The following SORCS1 variants were observed in gnomAD, a reference collection of about 807,000 sequenced individuals.
SORCS1 encodes the protein VPS10 domain-containing receptor SorCS1.
SORCS1 carries 60 observed loss-of-function variants against 146.1 expected under a neutral mutation model. That is an observed-to-expected ratio of 0.41 (90% confidence interval 0.33 to 0.51). SORCS1 has a LOEUF of 0.51. Ranked by LOEUF, SORCS1 falls within the 20% of genes least tolerant of loss-of-function variation. SORCS1 has a pLI of 0.21. For synonymous variants in SORCS1, 637 were observed against 584.0 expected, an observed-to-expected ratio of 1.09 and a Z score of -1.31; for missense variants, 1,352 against 1,487.6, an observed-to-expected ratio of 0.91 and a Z score of 1.50.
At chr10:107,100,226 T>C (rs1217472716) in intron 1 of SORCS1, among the ~76,000 whole-genome samples, 1 of 152,022 alleles carries the variant, frequency 6.6e-6, no homozygotes, top group Non-Finnish European at 1.5e-5. Flanking sequence ...AAGAAATAAG[T>C]AAATAGGCCG....
intron 1 of SORCS1, among the ~76,000 whole-genome samples, chr10:107,150,545 C>T (rs1174288601): frequency 6.6e-6 from 1 of 152,210 alleles, no homozygotes; most frequent in Non-Finnish European, 1.5e-5. Context: ...TGGAAGGGCA[C>T]CGTCTTCTTA....
At chr10:107,177,634 A>G in the SORCS1 span, among the ~76,000 whole-genome samples, 1,682 of 152,300 alleles carry the variant, frequency 0.011, 25 homozygotes, top group African/African-American at 0.036. Context: ...TATTGTGCCT[A>G]TTTATGGTAG....
At chr10:107,167,171 A>T (rs1970074330), upstream of SORCS1, among the ~76,000 whole-genome samples, 1 of 152,256 alleles carries the variant, frequency 6.6e-6, no homozygotes, top group African/African-American at 2.4e-5. Flanking sequence ...ATGTAGATAG[A>T]TGGATTCATT....
At chr10:106,607,423 G>GATATGCCCA in intron 22 of SORCS1, 126 bp from the exon 23 acceptor site, 2 of 1,258,414 alleles carry the variant, frequency 1.6e-6, no homozygotes, top group Non-Finnish European at 2.2e-6. Context: ...GCAGAGGCCT[G>GATATGCCCA]GGCATATCAG....
chr10:106,671,098 T>C, intron 16 of SORCS1, 139 bp downstream of exon 16: 1 of 1,147,962 alleles, frequency 8.7e-7, no homozygotes. Context: ...GCTAGTAAAC[T>C]ATGAGGTAAT....
chr10:106,896,553 A>C (rs1015145145), intron 2 of SORCS1, among the ~76,000 whole-genome samples: 85 of 152,060 alleles, frequency 5.6e-4, no homozygotes, highest in African/African-American at 2.0e-3. Context: ...AATTTTTTTA[A>C]GATCTGCTTC....
intron 1 of SORCS1, among the ~76,000 whole-genome samples, chr10:107,150,557 G>A (rs1968703038): frequency 6.6e-6 from 1 of 152,198 alleles, no homozygotes; most frequent in Non-Finnish European, 1.5e-5. Flanking sequence ...GTCTTCTTAG[G>A]ACCAGTTCTT....
chr10:107,123,816 G>A (rs1057204396), intron 1 of SORCS1, among the ~76,000 whole-genome samples: 25 of 151,816 alleles, frequency 1.6e-4, no homozygotes, highest in African/African-American at 5.1e-4. Context: ...GGTGGCTCAC[G>A]CCTGTAATCC....
intron 1 of SORCS1, among the ~76,000 whole-genome samples, chr10:107,021,221 A>G (rs1445960271): frequency 6.6e-6 from 1 of 152,086 alleles, no homozygotes; most frequent in Non-Finnish European, 1.5e-5. Context: ...ATTTAAGAAT[A>G]TGCATATTTG....
At chr10:107,129,759 C>G (rs1966849132) in intron 1 of SORCS1, among the ~76,000 whole-genome samples, 1 of 152,198 alleles carries the variant, frequency 6.6e-6, no homozygotes, top group Non-Finnish European at 1.5e-5. Flanking sequence ...CCCCTAATAA[C>G]TTCTTTGATG....
intron 3 of SORCS1, among the ~76,000 whole-genome samples, chr10:106,808,745 G>A (rs556415762): frequency 5.3e-5 from 8 of 152,092 alleles, no homozygotes; most frequent in African/African-American, 1.4e-4. Flanking sequence ...CTCATGATCC[G>A]CCCACCTTGG....
intron 1 of SORCS1, among the ~76,000 whole-genome samples, chr10:107,103,975 T>C (rs1226315468): frequency 2.6e-5 from 4 of 152,186 alleles, no homozygotes; most frequent in Non-Finnish European, 5.9e-5. Flanking sequence ...GCACTCATGG[T>C]TTTTCTTCTG....
In SORCS1 at chr10:107,080,844, A is replaced by C. The variant is rs1423225272; in HGVS notation, c.558+83125T>G. 1.3e-5 allele frequency among the ~76,000 whole-genome samples: 2 copies of C among 152,170 alleles called. 1 individual carries two copies. The highest frequency in any genetic ancestry group is 2.9e-5 in the Non-Finnish European group (2 of 68,030). ...CAATAAAATCTTATAGGAAACTCAAAAGGCACCTTTTGTTACCAGAGTGTC... is the reference window on the plus strand; with the variant it reads ...CAATAAAATCTTATAGGAAACTCAACAGGCACCTTTTGTTACCAGAGTGTC... On this transcript the variant is annotated intron_variant, in intron 1 of 25. Transcript: ENST00000263054.
chr10:106,871,255 G>A (rs1364040415), intron 2 of SORCS1, among the ~76,000 whole-genome samples: 1 of 152,156 alleles, frequency 6.6e-6, no homozygotes, highest in African/African-American at 2.4e-5. Context: ...ATTGGTGGGA[G>A]TGTAAACTAG....
intron 1 of SORCS1, among the ~76,000 whole-genome samples, chr10:107,073,165 A>G (rs762472154): frequency 6.6e-6 from 1 of 152,212 alleles, no homozygotes; most frequent in Non-Finnish European, 1.5e-5. Context: ...TTAAACATAG[A>G]AAAAGATTTG....
At chr10:107,096,500 T>C (rs373633638) in intron 1 of SORCS1, among the ~76,000 whole-genome samples, 2 of 152,128 alleles carry the variant, frequency 1.3e-5, no homozygotes, top group African/African-American at 4.8e-5. Context: ...GCTACACCTA[T>C]CAATATTTTT....
At chr10:106,610,949 A>T (rs2133411331) in intron 22 of SORCS1, among the ~76,000 whole-genome samples, 1 of 152,230 alleles carries the variant, frequency 6.6e-6, no homozygotes, top group Non-Finnish European at 1.5e-5. Flanking sequence ...GCGTGGTGGC[A>T]AGCACCTGTA....
At chr10:106,968,041 A>G (rs1300707758) in intron 1 of SORCS1, among the ~76,000 whole-genome samples, 1 of 147,202 alleles carries the variant, frequency 6.8e-6, no homozygotes, top group Non-Finnish European at 1.5e-5. Flanking sequence ...CGTCTCTACT[A>G]AAGAAAAAAA....
At chr10:106,983,239 A>AATAT (rs1231196147) in intron 1 of SORCS1, among the ~76,000 whole-genome samples, 1 of 147,244 alleles carries the variant, frequency 6.8e-6, no homozygotes, top group African/African-American at 2.5e-5. Context: ...TCTATATATA[A>AATAT]ATATACATAT....
Sources: allele counts gnomAD v4.1 joint callset (sites outside exome capture counted in the v4.1 genomes callset), GRCh38; gene constraint gnomAD v4.1.1; transcripts MANE v1.5; gene names NCBI Gene and HGNC (gene_info 2026-07-23, HGNC 2026-07-21).